SLC10A7: variants seen among roughly 807,000 people sequenced by gnomAD.
SLC10A7 encodes the protein solute carrier family 10 member 7, also known as sodium/bile acid cotransporter 7.
SLC10A7 carries 29 observed loss-of-function variants against 43.2 expected under a neutral mutation model. That is an observed-to-expected ratio of 0.67 (90% CI 0.50 to 0.92). SLC10A7 has a LOEUF of 0.92. Ranked by LOEUF, SLC10A7 falls within the 40% of genes least tolerant of loss-of-function variation. The probability of loss-of-function intolerance (pLI) is 0.00; values close to 1 mark genes in which losing one functional copy is unlikely to be tolerated. For missense variants in SLC10A7, 295 were observed against 403.2 expected, an observed-to-expected ratio of 0.73 and a Z score of 2.30; for synonymous variants, 152 against 144.8, an observed-to-expected ratio of 1.05 and a Z score of -0.35.
At chr4:146,488,168 G>A (rs1735079228) in intron 4 of SLC10A7, among the ~76,000 whole-genome samples, 1 of 151,924 alleles carries the variant, frequency 6.6e-6, no homozygotes, top group Non-Finnish European at 1.5e-5. Flanking sequence ...TTCTGCCGTG[G>A]TGACAGACTG....
chr4:146,488,750 G>A (rs1403540008), intron 4 of SLC10A7, among the ~76,000 whole-genome samples: 1 of 152,106 alleles, frequency 6.6e-6, no homozygotes, highest in Non-Finnish European at 1.5e-5. Context: ...AGCAGAATAG[G>A]CGTGAATAAT....
intron 4 of SLC10A7, among the ~76,000 whole-genome samples, chr4:146,471,045 T>A (rs1733525365): frequency 6.6e-6 from 1 of 152,208 alleles, no homozygotes; most frequent in African/African-American, 2.4e-5. Flanking sequence ...ACATTGAGTA[T>A]CCCTTAACCA....
intron 6 of SLC10A7, among the ~76,000 whole-genome samples, chr4:146,316,464 C>A (rs1474473930): frequency 1.3e-5 from 2 of 152,038 alleles, no homozygotes; most frequent in Non-Finnish European, 2.9e-5. Flanking sequence ...GCCCTTTCCA[C>A]CTTGTGAGGA....
rs1266608106 is a variant in SLC10A7, at chr4:146,282,028, GC to G, written c.847+1163del. 5.3e-5 allele frequency among the ~76,000 whole-genome samples: 8 copies of G among 152,208 alleles called. No homozygotes were observed. The East Asian group carries it at 1.4e-3, about 26-fold the overall frequency. ...AGCCTTACAAAATGAGTGTTATTCT[GC>G]CCCTTCTACAGATGAAAAGGTTAAG... On this transcript the variant is annotated intron_variant, in intron 10 of 11. Transcript: ENST00000335472.
At chr4:146,353,465 G>A (rs1457546339) in intron 5 of SLC10A7, among the ~76,000 whole-genome samples, 2 of 137,282 alleles carry the variant, frequency 1.5e-5, no homozygotes, top group East Asian at 2.1e-4. Flanking sequence ...GGTACAAGGA[G>A]GAACTGGTAC....
chr4:146,330,638 G>A lies in SLC10A7; in HGVS notation c.436-4642C>T, dbSNP rs148615243. On this transcript the variant is annotated intron_variant, in intron 5 of 11. Coordinates refer to ENST00000335472, the MANE Select transcript of SLC10A7 (RefSeq NM_001029998.6). ...ATAATTAAGTTTTGGGGAAGTCATC[G>A]CAATTATTATTAAAATAATAAAAGC... Among the ~76,000 whole-genome samples, 559 of 152,204 alleles carry A rather than the reference G, an allele frequency of 3.7e-3. 2 individuals are homozygous for A. The highest frequency in any genetic ancestry group is 0.013 in the African/African-American group (529 of 41,524).
In SLC10A7 at chr4:146,292,814, A is replaced by G. The variant is rs1730529049; in HGVS notation, c.773+115T>C. The G allele has an allele frequency of 1.3e-5, 9 of 685,936 alleles. No homozygotes were observed. The East Asian group carries it at 2.6e-4, about 20-fold the overall frequency. 42.5% of individuals were successfully genotyped at this position (685,936 alleles called of 1,614,324 possible). ...GGCAGAATGGTCAGGGAGACAGGAGAAAAACATATGTAAAAGGAGAAAAAA... is the reference window on the plus strand; with the variant it reads ...GGCAGAATGGTCAGGGAGACAGGAGGAAAACATATGTAAAAGGAGAAAAAA... On this transcript the variant is annotated intron_variant, in intron 9 of 11. Coordinates refer to ENST00000335472, the MANE Select transcript of SLC10A7 (RefSeq NM_001029998.6).
chr4:146,325,739 G>A (rs1239017045), intron 6 of SLC10A7, among the ~76,000 whole-genome samples: 1 of 152,172 alleles, frequency 6.6e-6, no homozygotes, highest in East Asian at 1.9e-4. Flanking sequence ...ATTTAGCCAG[G>A]AGCTGGAGGC....
At chr4:146,492,544 T>C (rs980232044) in intron 4 of SLC10A7, among the ~76,000 whole-genome samples, 2 of 152,084 alleles carry the variant, frequency 1.3e-5, no homozygotes, top group African/African-American at 2.4e-5. Context: ...AATTTCTTTG[T>C]ATTTTTTTGG....
chr4:146,300,828 C>T (rs1423844285), intron 7 of SLC10A7, among the ~76,000 whole-genome samples: 1 of 151,888 alleles, frequency 6.6e-6, no homozygotes, highest in East Asian at 1.9e-4. Context: ...AGAAGTAAGT[C>T]ATTGTTATTG....
rs185685956 is a variant in SLC10A7, at chr4:146,496,709, G to A, written c.396+7140C>T. Among the ~76,000 whole-genome samples, 3 of 152,184 alleles carry A rather than the reference G, an allele frequency of 2.0e-5. No individual in the cohort carries two copies. In the East Asian group the frequency reaches 5.8e-4, roughly 29 times the overall value. On this transcript the variant is annotated intron_variant, in intron 4 of 11. Transcript: ENST00000335472. ...TTTCATCAGACAGCATAAAAATATAGTTTTCCCTGTCTCTTTGGGTCTACA... is the reference window on the plus strand; with the variant it reads ...TTTCATCAGACAGCATAAAAATATAATTTTCCCTGTCTCTTTGGGTCTACA...
chr4:146,401,547 G>T (rs977799595), intron 5 of SLC10A7, among the ~76,000 whole-genome samples: 1 of 152,120 alleles, frequency 6.6e-6, no homozygotes, highest in African/African-American at 2.4e-5. Flanking sequence ...AACACTTATT[G>T]CATGCCTCTT....
intron 4 of SLC10A7, among the ~76,000 whole-genome samples, chr4:146,470,699 C>A (rs1308768924): frequency 1.3e-5 from 2 of 152,006 alleles, no homozygotes; most frequent in Non-Finnish European, 2.9e-5. Flanking sequence ...CATGTGAATT[C>A]TTTTTCACCA....
At chr4:146,373,518 G>C (rs1736944461) in intron 5 of SLC10A7, among the ~76,000 whole-genome samples, 1 of 150,646 alleles carries the variant, frequency 6.6e-6, no homozygotes, top group South Asian at 2.1e-4. Flanking sequence ...CAAGGGCCAG[G>C]CAAAATTCAA....
chr4:146,495,745 C>T lies in SLC10A7; in HGVS notation c.396+8104G>A, dbSNP rs183953055. On this transcript the variant is annotated intron_variant, in intron 4 of 11. Coordinates refer to ENST00000335472, the MANE Select transcript of SLC10A7 (RefSeq NM_001029998.6). ...AATTGTCTTTGAAGAGATTTGAGCA[C>T]CAGCCCCGTTGATGAAAGTAAACAC... 3.3e-5 allele frequency among the ~76,000 whole-genome samples: 5 copies of T among 149,470 alleles called. No individual in the cohort carries two copies. In the East Asian group the frequency reaches 6.0e-4, roughly 18 times the overall value.
intron 3 of SLC10A7, among the ~76,000 whole-genome samples, chr4:146,507,469 G>A (rs1560977578): frequency 2.0e-5 from 3 of 152,268 alleles, no homozygotes; most frequent in Admixed American, 6.5e-5. Context: ...CTTGAGGCAG[G>A]AGAATCACTT....
chr4:146,498,133 T>C (rs1285429308), intron 4 of SLC10A7, among the ~76,000 whole-genome samples: 20 of 152,076 alleles, frequency 1.3e-4, no homozygotes, highest in Admixed American at 1.3e-4. Flanking sequence ...TTTTTTTTAT[T>C]TTGAGACGGA....
chr4:146,288,725 G>C (rs1342326710), intron 9 of SLC10A7, among the ~76,000 whole-genome samples: 1 of 151,356 alleles, frequency 6.6e-6, no homozygotes, highest in East Asian at 1.9e-4. Flanking sequence ...ATCTCTATTG[G>C]GTCTGCTCAC....
intron 9 of SLC10A7, among the ~76,000 whole-genome samples, chr4:146,285,289 G>T (rs541939215): frequency 6.6e-6 from 1 of 152,298 alleles, no homozygotes; most frequent in South Asian, 2.1e-4. Flanking sequence ...GTGAGGCTGG[G>T]CAGGAAGCAG....
Sources: gnomAD v4.1 joint callset for allele counts (sites outside exome capture counted in the v4.1 genomes callset) on GRCh38, gnomAD v4.1.1 for gene constraint, MANE v1.5 for transcripts, NCBI Gene and HGNC (gene_info 2026-07-23, HGNC 2026-07-21) for gene names.